Variants in GTF2IRD1 observed in about 807,000 individuals in gnomAD.
GTF2IRD1 encodes the protein GTF2I repeat domain containing 1, also known as general transcription factor II-I repeat domain-containing protein 1.
Under a neutral mutation model 113.2 loss-of-function variants are expected in GTF2IRD1, and 26 were observed. That is an observed-to-expected ratio of 0.23 (90% CI 0.17 to 0.32). The LOEUF is 0.32. Among genes scored for constraint, GTF2IRD1 ranks in the 10% least tolerant of loss-of-function variants. The pLI is 1.00. For synonymous variants in GTF2IRD1, 484 were observed against 529.1 expected (o/e 0.91, Z 1.17); for missense variants, 864 against 1,280.8 (o/e 0.67, Z 4.97).
intron 1 of GTF2IRD1, among the ~76,000 whole-genome samples, chr7:74,477,964 T>TGGCCCCAGGGGTTGGCAC (rs1794520335): frequency 6.6e-6 from 1 of 152,176 alleles, no homozygotes; most frequent in African/African-American, 2.4e-5. Flanking sequence ...CTGCACTGCC[T>TGGCCCCAGGGGTTGGCAC]GGCCCCAGGG....
In GTF2IRD1 at chr7:74,492,377, A is replaced by G. The variant is rs183967484; in HGVS notation, c.-6-15698A>G. On this transcript the variant is annotated intron_variant, in intron 1 of 26. Coordinates refer to ENST00000424337, the MANE Select transcript of GTF2IRD1 (RefSeq NM_005685.4). ...AGTGGAAACTGAGTTTCACCATGTT[A>G]GCCAGGATGGTCTTGATCTCCTGAC... Among the ~76,000 whole-genome samples, 129 of 151,764 alleles carry G rather than the reference A, an allele frequency of 8.5e-4. No homozygotes were observed. In the East Asian group the frequency reaches 0.012, roughly 14 times the overall value.
chr7:74,574,336 A>G (rs1257616957), intron 22 of GTF2IRD1, among the ~76,000 whole-genome samples: 1 of 149,852 alleles, frequency 6.7e-6, no homozygotes, highest in African/African-American at 2.5e-5. Flanking sequence ...GTAGGACAGC[A>G]TCTTGCTTCA....
intron 22 of GTF2IRD1, among the ~76,000 whole-genome samples, chr7:74,561,775 AGGT>A (rs1411516751): frequency 2.0e-5 from 3 of 152,074 alleles, no homozygotes; most frequent in African/African-American, 4.8e-5. Context: ...TGCTGGGACA[AGGT>A]GGTATTCTAG....
chr7:74,523,346 G>C (rs2130336295), intron 7 of GTF2IRD1, among the ~76,000 whole-genome samples: 1 of 151,486 alleles, frequency 6.6e-6, no homozygotes, highest in South Asian at 2.1e-4. Context: ...AGCTATGATT[G>C]CACCACTGCA....
chr7:74,490,185 C>A (rs911225001), intron 1 of GTF2IRD1, among the ~76,000 whole-genome samples: 3 of 152,110 alleles, frequency 2.0e-5, no homozygotes, highest in African/African-American at 7.2e-5. Flanking sequence ...CCAGGCTGAT[C>A]TTGAACTCCT....
intron 20 of GTF2IRD1, among the ~76,000 whole-genome samples, chr7:74,558,343 GTTTCT>G (rs1799732085): frequency 4.1e-5 from 3 of 73,980 alleles, no homozygotes; most frequent in African/African-American, 1.5e-4. Context: ...TTTTTCTTTC[GTTTCT>G]TTTTTTTTTT....
intron 23 of GTF2IRD1, among the ~76,000 whole-genome samples, chr7:74,590,340 C>G (rs1413959244): frequency 6.6e-6 from 1 of 151,848 alleles, no homozygotes; most frequent in Non-Finnish European, 1.5e-5. Flanking sequence ...CTTGGCCTCC[C>G]AAAGTGCCAG....
At chr7:74,481,055 T>A (rs73364422) in intron 1 of GTF2IRD1, among the ~76,000 whole-genome samples, 18,879 of 152,250 alleles carry the variant, frequency 0.12, 1,292 homozygotes, top group African/African-American at 0.18. Flanking sequence ...CTTCCTGGAC[T>A]GCCCCTTTGC....
intron 1 of GTF2IRD1, among the ~76,000 whole-genome samples, chr7:74,504,458 T>A (rs1016541169): frequency 6.6e-6 from 1 of 152,126 alleles, no homozygotes; most frequent in Non-Finnish European, 1.5e-5. Context: ...TTGGGCCCAG[T>A]TGGCTGTGTG....
chr7:74,547,384 C>T (rs1799006489), intron 17 of GTF2IRD1, 98 bp downstream of exon 17: 1 of 909,132 alleles, frequency 1.1e-6, no homozygotes, highest in African/African-American at 1.7e-5. Flanking sequence ...TCTTGTGCCT[C>T]AGCCACCTGA....
chr7:74,508,487 C>T (rs782806523), intron 2 of GTF2IRD1, among the ~76,000 whole-genome samples: 1 of 152,040 alleles, frequency 6.6e-6, no homozygotes, highest in Non-Finnish European at 1.5e-5. Flanking sequence ...GTCAGTGGTT[C>T]GAGACTAGCC....
intron 26 of GTF2IRD1, 93 bp from the exon 27 acceptor site, chr7:74,602,272 C>T: frequency 6.8e-7 from 1 of 1,473,534 alleles, no homozygotes; most frequent in Non-Finnish European, 9.1e-7. Context: ...TAAATAGCCT[C>T]TGAGAAAGCT....
At chr7:74,501,469 G>A (rs1314846397) in intron 1 of GTF2IRD1, among the ~76,000 whole-genome samples, 3 of 152,134 alleles carry the variant, frequency 2.0e-5, no homozygotes, top group African/African-American at 7.2e-5. Context: ...CGGAGGGGGC[G>A]GTCCTTGAGC....
At chr7:74,593,617 C>A (rs1260822338) in intron 24 of GTF2IRD1, among the ~76,000 whole-genome samples, 2 of 151,148 alleles carry the variant, frequency 1.3e-5, no homozygotes, top group African/African-American at 4.9e-5. Flanking sequence ...CCTGTTGTTC[C>A]AGCTACTCGA....
At chr7:74,515,339 T>C in intron 3 of GTF2IRD1, 102 bp from the exon 4 acceptor site, 1 of 1,532,788 alleles carries the variant, frequency 6.5e-7, no homozygotes, top group South Asian at 1.2e-5. Context: ...TCACATTGTG[T>C]GCCAGTCTCC....
chr7:74,491,928 A>G (rs147133052), intron 1 of GTF2IRD1, among the ~76,000 whole-genome samples: 4 of 152,290 alleles, frequency 2.6e-5, no homozygotes, highest in African/African-American at 9.6e-5. Flanking sequence ...GGCTGAACTA[A>G]TTTACAACAG....
chr7:74,573,597 A>T (rs781983131), intron 22 of GTF2IRD1, among the ~76,000 whole-genome samples: 31 of 152,120 alleles, frequency 2.0e-4, no homozygotes, highest in Admixed American at 7.9e-4. Context: ...ATCAGCACCG[A>T]GGGGTCGCCA....
intron 13 of GTF2IRD1, among the ~76,000 whole-genome samples, chr7:74,539,545 AC>A (rs1554351194): frequency 1.3e-5 from 2 of 152,024 alleles, no homozygotes; most frequent in African/African-American, 4.8e-5. Flanking sequence ...GGAGTTAGAG[AC>A]CAGCCTGGCC....
intron 22 of GTF2IRD1, among the ~76,000 whole-genome samples, chr7:74,572,247 G>A (rs1187253533): frequency 1.3e-5 from 2 of 152,172 alleles, no homozygotes; most frequent in African/African-American, 2.4e-5. Flanking sequence ...GCAGGCACAG[G>A]AACAGGTCCC....
Sources: gnomAD v4.1 joint callset for allele counts (sites outside exome capture counted in the v4.1 genomes callset) on GRCh38, gnomAD v4.1.1 for gene constraint, MANE v1.5 for transcripts, NCBI Gene and HGNC (gene_info 2026-07-23, HGNC 2026-07-21) for gene names.